Variants in PNPLA7 observed in about 807,000 individuals in gnomAD.
PNPLA7 encodes the protein patatin like domain 7, lysophospholipase, also known as patatin-like phospholipase domain-containing protein 7.
Under a neutral mutation model 161.7 loss-of-function variants are expected in PNPLA7, and 153 were observed. The ratio of observed to expected loss-of-function variants is 0.95; its 90% confidence interval spans 0.83 to 1.08. The LOEUF (loss-of-function observed/expected upper bound fraction) is 1.08, where lower values mean the gene tolerates loss of function less well. PNPLA7 is among the 50% of genes least tolerant of loss of function. The pLI is 0.00. For synonymous variants in PNPLA7, 809 were observed against 782.1 expected (o/e 1.03, Z -0.57); for missense variants, 1,739 against 1,856.6 (o/e 0.94, Z 1.16).
At chr9:137,477,426 G>C (rs1831989658) in intron 25 of PNPLA7, among the ~76,000 whole-genome samples, 1 of 152,158 alleles carries the variant, frequency 6.6e-6, no homozygotes, top group Admixed American at 6.5e-5. Context: ...TTTCAGAGGA[G>C]GAGGTGCAAA....
At chr9:137,461,645 G>A (rs1450057570) in intron 32 of PNPLA7, 25 bp from the exon 33 acceptor site, 2 of 1,560,270 alleles carry the variant, frequency 1.3e-6, no homozygotes, top group Admixed American at 1.8e-5. Context: ...AGGACAGCAC[G>A]TTGCCTGTGG....
Position 137,515,445 on chromosome 9 carries a change from G to C in PNPLA7, c.1159C>G (p.Arg387Gly), listed in dbSNP as rs747295601. ...RSHSVPAPSI[R>G]KQILEELEKP... ...TCCAGCTCCTCCAAGATCTGTTTGC[G>C]AATGGAAGGCGCGGGGACGGAGTGG... Residue 387 changes from arginine (R) to glycine (G), a missense_variant, in exon 12 of 35, where the codon CGC becomes GGC. Arg to Gly is a moderately radical substitution (Grantham distance 125). Coordinates refer to ENST00000406427, the MANE Select transcript of PNPLA7 (RefSeq NM_001098537.3). 3 of 1,599,940 alleles carry C rather than the reference G, an allele frequency of 1.9e-6. No individual in the cohort carries two copies. Among genetic ancestry groups the C allele is most frequent in the Non-Finnish European group, 2.6e-6 (3 of 1,174,546 alleles).
At chr9:137,545,868 T>G (rs963030453) in intron 4 of PNPLA7, among the ~76,000 whole-genome samples, 4 of 152,150 alleles carry the variant, frequency 2.6e-5, no homozygotes, top group Admixed American at 2.0e-4. Flanking sequence ...AAGCGGACCG[T>G]GATCTAGCGG....
intron 33 of PNPLA7, chr9:137,461,325 G>A (rs998305563): frequency 3.8e-6 from 2 of 524,480 alleles, no homozygotes; most frequent in South Asian, 5.4e-5. Flanking sequence ...GGCAGGGGCT[G>A]GGTGACCCGG....
intron 20 of PNPLA7, among the ~76,000 whole-genome samples, chr9:137,487,613 C>G (rs529139333): frequency 6.6e-6 from 1 of 152,232 alleles, no homozygotes; most frequent in African/African-American, 2.4e-5. Flanking sequence ...GCAGCCTACA[C>G]AGCCTTTGTG....
intron 14 of PNPLA7, among the ~76,000 whole-genome samples, chr9:137,505,103 G>A (rs569115369): frequency 7.1e-6 from 1 of 141,626 alleles, no homozygotes; most frequent in South Asian, 2.3e-4. Flanking sequence ...CAGGAGAATC[G>A]CTTGAATCCA....
At chr9:137,484,092 C>T (rs1362382634) in intron 21 of PNPLA7, among the ~76,000 whole-genome samples, 2 of 152,072 alleles carry the variant, frequency 1.3e-5, no homozygotes, top group African/African-American at 4.8e-5. Context: ...CGCACCACCA[C>T]GCCCAGCTAA....
At position 137,515,483 on chromosome 9, in the gene PNPLA7, A is replaced by C. The variant is rs1244894005; in HGVS notation, c.1121T>G (p.Leu374Arg). ...GGGGACGGAGTGGCTCCTCTTCAGC[A>C]GGGGCCCAGCAGCTGCCGGGCGGCC... is the stretch of plus-strand genomic sequence containing the variant. ...GGGRPAAAGP[L>R]LKRSHSVPAP... The change falls in exon 12 of 35, where the codon CTG becomes CGG. Residue 374 changes from leucine to arginine, a missense_variant. This residue lies in a region of PNPLA7 where 481 missense variants were observed against 450.0 expected (regional missense o/e 1.07). Coordinates refer to ENST00000406427, the MANE Select transcript of PNPLA7 (RefSeq NM_001098537.3). 1 of 1,578,694 alleles carries C rather than the reference A, an allele frequency of 6.3e-7. No individual in the cohort carries two copies. The highest frequency in any genetic ancestry group is 1.2e-5 in the South Asian group (1 of 86,028).
chr9:137,479,598 G>A (rs1832108276), intron 23 of PNPLA7: 2 of 985,342 alleles, frequency 2.0e-6, no homozygotes, highest in Admixed American at 1.2e-4. Flanking sequence ...ACATCAGAGA[G>A]GAGGAATTTT....
At chr9:137,513,570 A>G (rs1834348274) in intron 12 of PNPLA7, among the ~76,000 whole-genome samples, 1 of 152,340 alleles carries the variant, frequency 6.6e-6, no homozygotes, top group East Asian at 1.9e-4. Context: ...AATAAGACCC[A>G]AAACACAAAT....
In PNPLA7 at chr9:137,467,535, G is replaced by A; in HGVS notation, c.2883-62C>T. The A allele has an allele frequency of 6.4e-7, 1 of 1,573,130 alleles. No individual in the cohort carries two copies. Among genetic ancestry groups the A allele is most frequent in the Non-Finnish European group, 8.6e-7 (1 of 1,157,494 alleles). ...CCAGGCCCAGGCTGCGCCCTGCAGA[G>A]GCCTTGTGCTCATCCTCAGTTCCCA... On this transcript the variant is annotated intron_variant, in intron 25 of 34. Transcript: ENST00000406427. This position sits in a 1 kb window ranked among gnomAD's most constrained non-coding sequence, Gnocchi z 5.1.
chr9:137,484,769 A>G (rs757781407), intron 20 of PNPLA7, 33 bp from the exon 21 acceptor site: 2 of 1,565,294 alleles, frequency 1.3e-6, no homozygotes, highest in Admixed American at 1.8e-5. Context: ...CAGCTGGGAC[A>G]GCCCACACGC....
intron 28 of PNPLA7, 33 bp from the exon 29 acceptor site, chr9:137,463,564 G>C: frequency 6.7e-7 from 1 of 1,494,172 alleles, no homozygotes; most frequent in South Asian, 1.2e-5. Context: ...CTGGTTACCC[G>C]GAGGAGGCTC....
intron 18 of PNPLA7, among the ~76,000 whole-genome samples, chr9:137,495,593 A>G (rs373477605): frequency 0.019 from 2,830 of 152,058 alleles, 90 homozygotes; most frequent in African/African-American, 0.066. Context: ...ACAGATGCCC[A>G]CCACCACGCC....
chr9:137,490,722 G>A lies in PNPLA7; in HGVS notation c.2197+2291C>T, dbSNP rs745490742. 2.0e-5 allele frequency among the ~76,000 whole-genome samples: 3 copies of A among 152,152 alleles called. No individual in the cohort carries two copies. Among genetic ancestry groups the A allele is most frequent in the East Asian group, 1.9e-4 (1 of 5,196 alleles). ...AGCCCAGAAGGAAACCTGAGATGCC[G>A]CAAATGAAAGAAGAGCAGGAGGACG... is the stretch of plus-strand genomic sequence containing the variant. On this transcript the variant is annotated intron_variant, in intron 20 of 34. Transcript: ENST00000406427. The surrounding 1 kb of genome is among the most constrained non-coding windows in gnomAD (Gnocchi z 4.1).
At chr9:137,518,118 C>CCG (rs2132452211) in intron 11 of PNPLA7, among the ~76,000 whole-genome samples, 2 of 109,190 alleles carry the variant, frequency 1.8e-5, no homozygotes, top group Admixed American at 8.5e-5. Flanking sequence ...CCATCCCTCA[C>CCG]TCACTCACTC....
chr9:137,460,344 G>A lies in PNPLA7; in HGVS notation c.*49C>T. 6.4e-7 allele frequency: 1 copy of A among 1,560,972 alleles called. No individual in the cohort carries two copies. The highest frequency in any genetic ancestry group is 8.8e-7 in the Non-Finnish European group (1 of 1,142,128). On this transcript the variant is annotated 3_prime_UTR_variant, in exon 35 of 35. Coordinates refer to ENST00000406427, the MANE Select transcript of PNPLA7 (RefSeq NM_001098537.3). ...GGACTTGGCAGGAGCCTCAGCCTTG[G>A]GGACAGTCCCACGGAAGACGCTGCA...
At chr9:137,479,318 G>A (rs1262855846) in intron 23 of PNPLA7, 80 bp from the exon 24 acceptor site, 18 of 1,400,604 alleles carry the variant, frequency 1.3e-5, no homozygotes, top group East Asian at 5.4e-5. Flanking sequence ...CCAGCACAGA[G>A]GGTCTGAGGG....
chr9:137,494,008 C>T (rs1453498998), intron 19 of PNPLA7, among the ~76,000 whole-genome samples: 2 of 152,086 alleles, frequency 1.3e-5, no homozygotes, highest in African/African-American at 2.4e-5. Flanking sequence ...TGAGGGGAGG[C>T]GGTGGAGGGA....
Sources: gnomAD v4.1 joint callset for allele counts (sites outside exome capture counted in the v4.1 genomes callset) on GRCh38, gnomAD v4.1.1 for gene constraint, gnomAD v4.1.1 regional missense constraint, Gnocchi (gnomAD v3.1) non-coding constraint, MANE v1.5 for transcripts, NCBI Gene and HGNC (gene_info 2026-07-23, HGNC 2026-07-21) for gene names.